Variants in RPH3AL observed in about 807,000 individuals in gnomAD.
The protein encoded by RPH3AL is rabphilin 3A like (without C2 domains).
A neutral mutation model predicts 43.1 loss-of-function variants in RPH3AL; 38 were observed. That is an observed-to-expected ratio of 0.88 (90% CI 0.68 to 1.15). RPH3AL has a LOEUF of 1.15. Among genes scored for constraint, RPH3AL ranks in the 50% most tolerant of loss-of-function variants. RPH3AL has a pLI of 0.00. For missense variants in RPH3AL, 462 were observed against 423.2 expected, an observed-to-expected ratio of 1.09 and a Z score of -0.81; for synonymous variants, 189 against 176.3, an observed-to-expected ratio of 1.07 and a Z score of -0.57.
chr17:281,691 CTG>C, intron 6 of RPH3AL, 75 bp downstream of exon 6: 2 of 827,516 alleles, frequency 2.4e-6, no homozygotes, highest in Non-Finnish European at 4.1e-6. Flanking sequence ...CACCGTCACC[CTG>C]ACCGTCCACC....
intron 1 of RPH3AL, chr17:341,464 T>C (rs2045118050): frequency 6.6e-6 from 1 of 152,152 alleles, no homozygotes; most frequent in Non-Finnish European, 1.5e-5. Context: ...TGCAGAAGGA[T>C]GACGTGGACC....
At position 327,549 on chromosome 17, in the gene RPH3AL, G is replaced by T; in HGVS notation, c.-6C>A. 1 of 1,613,442 alleles carries T rather than the reference G, an allele frequency of 6.2e-7. No homozygotes were observed. The highest frequency in any genetic ancestry group is 8.5e-7 in the Non-Finnish European group (1 of 1,179,822). On this transcript the variant is annotated 5_prime_UTR_variant, in exon 3 of 10. Coordinates refer to ENST00000331302, the MANE Select transcript of RPH3AL (RefSeq NM_006987.4). ...CCGAAGATGGTGTCGGCCATGGCTC[G>T]GAGCACCCGGCTGGGGGTGGGGAGT...
chr17:264,219 C>T lies in RPH3AL; in HGVS notation c.439-16934G>A, dbSNP rs1210528915. Among the ~76,000 whole-genome samples, 5 of 152,186 alleles carry T rather than the reference C, an allele frequency of 3.3e-5. No homozygotes were observed. The highest frequency in any genetic ancestry group is 4.1e-4 in the South Asian group (2 of 4,824). ...GGAAATGCCATCTGTCACTCAAACC[C>T]GAATAGAACCACCCTACCTCAAAGT... is the stretch of plus-strand genomic sequence containing the variant. On this transcript the variant is annotated intron_variant, in intron 6 of 9. Transcript: ENST00000331302. The surrounding 1 kb of genome is among the most constrained non-coding windows in gnomAD (Gnocchi z 4.8).
In RPH3AL at chr17:215,849, G is replaced by A. The variant is rs1332690584; in HGVS notation, c.728-47C>T. On this transcript the variant is annotated intron_variant, in intron 8 of 9. Transcript: ENST00000331302. The surrounding 1 kb of genome is among the most constrained non-coding windows in gnomAD (Gnocchi z 4.1). ...CCCCGTGGATCTCAAACCGAGACGG[G>A]GTGATCTCAGTCCAGTTCCTCGTTT... is the stretch of plus-strand genomic sequence containing the variant. 2 of 1,296,652 alleles carry A rather than the reference G, an allele frequency of 1.5e-6. No individual in the cohort carries two copies. The highest frequency in any genetic ancestry group is 4.1e-5 in the Admixed American group (1 of 24,682). The allele number at this position is 1,296,652 out of a possible 1,614,324, so 80.3% of individuals were successfully genotyped here.
intron 5 of RPH3AL, among the ~76,000 whole-genome samples, chr17:304,736 A>G (rs1038567692): frequency 4.6e-5 from 7 of 152,172 alleles, no homozygotes; most frequent in Non-Finnish European, 8.8e-5. Context: ...CTGAATTTTC[A>G]TGCCACGTGA....
At chr17:342,140 CA>C (rs2045136210) in intron 1 of RPH3AL, among the ~76,000 whole-genome samples, 1 of 152,230 alleles carries the variant, frequency 6.6e-6, no homozygotes, top group African/African-American at 2.4e-5. Flanking sequence ...CAGGAAAATA[CA>C]AATCAAAACC....
chr17:245,662 G>C lies in RPH3AL; in HGVS notation c.613+1449C>G, dbSNP rs992791291. Among the ~76,000 whole-genome samples, 1 of 152,178 alleles carries C rather than the reference G, an allele frequency of 6.6e-6. No homozygotes were observed. The highest frequency in any genetic ancestry group is 2.4e-5 in the African/African-American group (1 of 41,528). On this transcript the variant is annotated intron_variant, in intron 7 of 9. Transcript: ENST00000331302. This position sits in a 1 kb window ranked among gnomAD's most constrained non-coding sequence, Gnocchi z 5.9. ...TGTCTGAGGGACATGGACAGATCTCGAGGGCTCAGCAGGAGAAGGTCTGAG... is the reference window on the plus strand; with the variant it reads ...TGTCTGAGGGACATGGACAGATCTCCAGGGCTCAGCAGGAGAAGGTCTGAG...
In RPH3AL at chr17:245,006, G is replaced by A. The variant is rs1009788225; in HGVS notation, c.613+2105C>T. Reference sequence around the variant, plus strand: ...AGCAAGTGTGTATGCATGTGGATATGAGTGTGTGTATGTGGATGTGTGTGT... The same window carrying A: ...AGCAAGTGTGTATGCATGTGGATATAAGTGTGTGTATGTGGATGTGTGTGT... On this transcript the variant is annotated intron_variant, in intron 7 of 9. Coordinates refer to ENST00000331302, the MANE Select transcript of RPH3AL (RefSeq NM_006987.4). The surrounding 1 kb of genome is among the most constrained non-coding windows in gnomAD (Gnocchi z 5.9). Among the ~76,000 whole-genome samples, 1 of 152,176 alleles carries A rather than the reference G, an allele frequency of 6.6e-6. No homozygotes were observed. Among genetic ancestry groups the A allele is most frequent in the Non-Finnish European group, 1.5e-5 (1 of 68,028 alleles).
At chr17:295,439 AGGG>A (rs1392135737) in intron 5 of RPH3AL, among the ~76,000 whole-genome samples, 10,350 of 92,196 alleles carry the variant, frequency 0.11, 625 homozygotes, top group Non-Finnish European at 0.14. Flanking sequence ...TCAGTGTGGG[AGGG>A]ACAGAGGAGC....
intron 5 of RPH3AL, among the ~76,000 whole-genome samples, chr17:313,114 C>T (rs1220816154): frequency 6.6e-6 from 1 of 152,112 alleles, no homozygotes; most frequent in African/African-American, 2.4e-5. Flanking sequence ...CTTCCTAGAA[C>T]CCTCCTTCAC....
In RPH3AL at chr17:293,663, C is replaced by T. The variant is rs970342330; in HGVS notation, c.352-11809G>A. Among the ~76,000 whole-genome samples, 5 of 152,126 alleles carry T rather than the reference C, an allele frequency of 3.3e-5. No individual in the cohort carries two copies. The East Asian group carries it at 5.8e-4, about 18-fold the overall frequency. ...CAGCACCGGTGATGGGAGCACGGTGCACTCAACAGGAGCTTCGGCCAAGGG... is the reference window on the plus strand; with the variant it reads ...CAGCACCGGTGATGGGAGCACGGTGTACTCAACAGGAGCTTCGGCCAAGGG... On this transcript the variant is annotated intron_variant, in intron 5 of 9. Transcript: ENST00000331302.
At chr17:315,459 G>A (rs1567510319) in intron 5 of RPH3AL, among the ~76,000 whole-genome samples, 4 of 144,644 alleles carry the variant, frequency 2.8e-5, no homozygotes, top group Non-Finnish European at 4.5e-5. Flanking sequence ...CCATTGACCT[G>A]TAGTCCCTGT....
intron 5 of RPH3AL, among the ~76,000 whole-genome samples, chr17:315,904 C>G (rs62054970): frequency 9.7e-5 from 6 of 61,812 alleles, no homozygotes; most frequent in East Asian, 4.8e-4. Context: ...TGTGACTCCA[C>G]CTCCACTGAT....
At position 258,140 on chromosome 17, in the gene RPH3AL, G is replaced by A. The variant is rs149069657; in HGVS notation, c.439-10855C>T. Among the ~76,000 whole-genome samples, 671 of 152,276 alleles carry A rather than the reference G, an allele frequency of 4.4e-3. 2 individuals carry two copies. The highest frequency in any genetic ancestry group is 0.015 in the African/African-American group (616 of 41,556). The stretch of plus-strand genomic sequence containing the variant: ...CTGTACGGATGGATCACGTTTTGTC[G>A]TCTGTTCATAGGTACGTGGGGTGCT... On this transcript the variant is annotated intron_variant, in intron 6 of 9. Coordinates refer to ENST00000331302, the MANE Select transcript of RPH3AL (RefSeq NM_006987.4).
At position 272,611 on chromosome 17, in the gene RPH3AL, G is replaced by T. The variant is rs187239633; in HGVS notation, c.438+9157C>A. 5.9e-3 allele frequency among the ~76,000 whole-genome samples: 568 copies of T among 95,982 alleles called. 2 individuals are homozygous for T. Among genetic ancestry groups the T allele is most frequent in the African/African-American group, 0.022 (540 of 24,158 alleles). The allele number at this position is 95,982 out of a possible 152,430, so 63.0% of individuals were successfully genotyped here. On this transcript the variant is annotated intron_variant, in intron 6 of 9. Coordinates refer to ENST00000331302, the MANE Select transcript of RPH3AL (RefSeq NM_006987.4). ...CACACTCCAGGGACTGTTGTGGGGTGGGGGGAGGGGGGAGGGATAGCATTA... is the reference window on the plus strand; with the variant it reads ...CACACTCCAGGGACTGTTGTGGGGTTGGGGGAGGGGGGAGGGATAGCATTA...
intron 6 of RPH3AL, among the ~76,000 whole-genome samples, chr17:273,286 CG>C (rs1334492614): frequency 4.8e-5 from 5 of 104,106 alleles, no homozygotes; most frequent in Admixed American, 9.7e-5. Context: ...GAGACCCCAG[CG>C]AGGGTGACGT....
At chr17:219,824 G>T in intron 7 of RPH3AL, 88 bp from the exon 8 acceptor site, 2 of 929,438 alleles carry the variant, frequency 2.2e-6, no homozygotes, top group Non-Finnish European at 1.8e-6. Flanking sequence ...GGCCTCCCCA[G>T]CTCATTACCA....
At chr17:253,075 G>A (rs1481782730) in intron 6 of RPH3AL, among the ~76,000 whole-genome samples, 2 of 152,156 alleles carry the variant, frequency 1.3e-5, no homozygotes, top group African/African-American at 4.8e-5. Flanking sequence ...GGAATCCAAG[G>A]CCTCCTCTGT....
chr17:280,333 A>C (rs56005157), intron 6 of RPH3AL, among the ~76,000 whole-genome samples: 48,853 of 151,730 alleles, frequency 0.32, 8,442 homozygotes, highest in East Asian at 0.71. Flanking sequence ...AACAGCAGGG[A>C]CCTGCCCCGG....
Sources: allele counts gnomAD v4.1 joint callset (sites outside exome capture counted in the v4.1 genomes callset), GRCh38; gene constraint gnomAD v4.1.1; non-coding constraint Gnocchi (gnomAD v3.1); transcripts MANE v1.5; gene names NCBI Gene and HGNC (gene_info 2026-07-23, HGNC 2026-07-21).